NDST4: variants seen among roughly 807,000 people sequenced by gnomAD.
The protein encoded by NDST4 is N-heparan sulfate sulfotransferase 4.
A neutral mutation model predicts 100.8 loss-of-function variants in NDST4; 63 were observed. The ratio of observed to expected loss-of-function variants is 0.62; its 90% CI spans 0.51 to 0.77. NDST4 has a LOEUF of 0.77. NDST4 is among the 30% of genes least tolerant of loss of function. NDST4 has a pLI of 0.00. For missense variants in NDST4, 943 were observed against 1,018.4 expected, an observed-to-expected ratio of 0.93 and a Z score of 1.01; for synonymous variants, 377 against 361.8, an observed-to-expected ratio of 1.04 and a Z score of -0.48.
Position 115,076,791 on chromosome 4 carries a change from G to T in NDST4, c.246C>A (p.Leu82=). 6.2e-7 allele frequency: 1 copy of T among 1,613,978 alleles called. No homozygotes were observed. ...GTTGAGAGTATTGGCTCTCCACGAA[G>T]AGAAGGACAGTAGGGTCCGTTTTGG... ...DTSKTDPTVL[L]FVESQYSQLG... The change falls in exon 2 of 14, where the codon CTC becomes CTA. Residue 82 remains leucine, a synonymous_variant. Transcript: ENST00000264363.
chr4:114,945,876 T>A (rs1725850985), intron 4 of NDST4, among the ~76,000 whole-genome samples: 1 of 150,584 alleles, frequency 6.6e-6, no homozygotes, highest in African/African-American at 2.5e-5. Context: ...ACCCTGGAAA[T>A]TGGCTGGGTG....
At chr4:114,902,386 C>T (rs1724862932) in intron 6 of NDST4, among the ~76,000 whole-genome samples, 1 of 151,998 alleles carries the variant, frequency 6.6e-6, no homozygotes. Flanking sequence ...TTTGTCTGAA[C>T]ATTTTAGATA....
intron 1 of NDST4, among the ~76,000 whole-genome samples, chr4:115,110,323 G>A (rs1283823124): frequency 6.6e-6 from 1 of 151,934 alleles, no homozygotes; most frequent in Non-Finnish European, 1.5e-5. Context: ...GAAAAGGCTG[G>A]CTAGATGTTT....
intron 4 of NDST4, among the ~76,000 whole-genome samples, chr4:114,948,611 G>A (rs1725922619): frequency 6.6e-6 from 1 of 151,816 alleles, no homozygotes; most frequent in South Asian, 2.1e-4. Context: ...TATCATATTT[G>A]GAAATAAGGT....
chr4:114,831,866 T>TTAG (rs1392816210), intron 12 of NDST4, among the ~76,000 whole-genome samples: 1 of 152,204 alleles, frequency 6.6e-6, no homozygotes, highest in African/African-American at 2.4e-5. Context: ...TGGTTTTACT[T>TTAG]TAGTAGGCAT....
intron 2 of NDST4, among the ~76,000 whole-genome samples, chr4:114,989,037 G>A (rs115917610): frequency 0.058 from 7,346 of 126,022 alleles, 259 homozygotes; most frequent in Middle Eastern, 0.12. Context: ...AAACTCCTGT[G>A]ATATCTTGTT....
chr4:114,916,713 G>T (rs1362928966), intron 6 of NDST4, among the ~76,000 whole-genome samples: 1 of 150,800 alleles, frequency 6.6e-6, no homozygotes. Flanking sequence ...TCTTTTTAGA[G>T]ACAGGGTCTT....
At chr4:115,059,259 G>T (rs1199971123) in intron 2 of NDST4, among the ~76,000 whole-genome samples, 1 of 151,986 alleles carries the variant, frequency 6.6e-6, no homozygotes, top group Non-Finnish European at 1.5e-5. Flanking sequence ...GGGACATTAA[G>T]TTAGGTATGG....
chr4:115,070,556 T>C (rs1729053146), intron 2 of NDST4, among the ~76,000 whole-genome samples: 1 of 152,194 alleles, frequency 6.6e-6, no homozygotes, highest in Non-Finnish European at 1.5e-5. Context: ...ATGAATAATC[T>C]TTCTTATATA....
chr4:114,874,335 A>G (rs909949186), intron 6 of NDST4, among the ~76,000 whole-genome samples: 2 of 152,168 alleles, frequency 1.3e-5, no homozygotes, highest in Non-Finnish European at 2.9e-5. Context: ...TGGAAAAAAA[A>G]GCTTAAAACT....
intron 2 of NDST4, among the ~76,000 whole-genome samples, chr4:115,032,933 C>A (rs1261762211): frequency 6.6e-6 from 1 of 151,588 alleles, no homozygotes; most frequent in Non-Finnish European, 1.5e-5. Context: ...ATGTTGATTC[C>A]TTTGAATTCG....
intron 6 of NDST4, among the ~76,000 whole-genome samples, chr4:114,930,711 A>T (rs536422482): frequency 6.6e-6 from 1 of 152,254 alleles, no homozygotes; most frequent in African/African-American, 2.4e-5. Flanking sequence ...TTTTCTGTAT[A>T]CACTGGGACA....
Position 115,014,220 on chromosome 4 carries a change from T to C in NDST4, c.979-36946A>G, listed in dbSNP as rs553699900. On this transcript the variant is annotated intron_variant, in intron 2 of 13. Transcript: ENST00000264363. ...TTTGCACTACCCTGAGTCTCATGGC[T>C]ATATCAACTCTCCAGCCCTATGTCC... Among the ~76,000 whole-genome samples, 7 of 152,216 alleles carry C rather than the reference T, an allele frequency of 4.6e-5. No individual in the cohort carries two copies. The East Asian group carries it at 1.4e-3, about 29-fold the overall frequency.
At chr4:115,054,733 A>G (rs1455215971) in intron 2 of NDST4, among the ~76,000 whole-genome samples, 1 of 152,218 alleles carries the variant, frequency 6.6e-6, no homozygotes, top group African/African-American at 2.4e-5. Flanking sequence ...AGTTTATTGT[A>G]TAGACCTGAC....
At chr4:114,863,713 T>C (rs187277834) in intron 7 of NDST4, among the ~76,000 whole-genome samples, 245 of 152,336 alleles carry the variant, frequency 1.6e-3, no homozygotes, top group African/African-American at 5.5e-3. Flanking sequence ...CTAGTGAAAG[T>C]ACATGTAACT....
At chr4:114,968,073 G>C (rs980893726) in intron 4 of NDST4, among the ~76,000 whole-genome samples, 2 of 152,098 alleles carry the variant, frequency 1.3e-5, no homozygotes, top group Non-Finnish European at 2.9e-5. Flanking sequence ...CTGAGTCCTT[G>C]ATCTTAACTA....
intron 7 of NDST4, among the ~76,000 whole-genome samples, chr4:114,865,365 C>T (rs1560785271): frequency 6.6e-6 from 1 of 152,094 alleles, no homozygotes; most frequent in African/African-American, 2.4e-5. Flanking sequence ...ACCCAGCCAG[C>T]TCTATTTTTA....
At chr4:115,024,792 T>A (rs1050587925) in intron 2 of NDST4, among the ~76,000 whole-genome samples, 2 of 152,154 alleles carry the variant, frequency 1.3e-5, no homozygotes, top group Non-Finnish European at 2.9e-5. Flanking sequence ...ACTGTTAGAA[T>A]GTCACCTTCA....
intron 1 of NDST4, among the ~76,000 whole-genome samples, chr4:115,109,369 A>C (rs1220014808): frequency 6.6e-6 from 1 of 151,958 alleles, no homozygotes; most frequent in Non-Finnish European, 1.5e-5. Flanking sequence ...TTGATGGTGG[A>C]ATTTGCAAAA....
Sources: allele counts gnomAD v4.1 joint callset (sites outside exome capture counted in the v4.1 genomes callset), GRCh38; gene constraint gnomAD v4.1.1; transcripts MANE v1.5; gene names NCBI Gene and HGNC (gene_info 2026-07-23, HGNC 2026-07-21).